ERC2: variants seen among roughly 807,000 people sequenced by gnomAD.
The protein encoded by ERC2 is ELKS/RAB6-interacting/CAST family member 2.
In ERC2, 42 loss-of-function variants were observed where a neutral mutation model predicts 114.8. The ratio of observed to expected loss-of-function variants is 0.37; its 90% CI spans 0.29 to 0.47. The LOEUF is 0.47. ERC2 is among the 20% of genes least tolerant of loss of function. The pLI, the probability that ERC2 is intolerant of heterozygous loss-of-function variation, is 0.99. For synonymous variants in ERC2, 454 were observed against 425.5 expected (o/e 1.07, Z -0.82); for missense variants, 939 against 1,150.7 (o/e 0.82, Z 2.66).
chr3:56,443,205 G>A (rs2062398986), intron 1 of ERC2, among the ~76,000 whole-genome samples: 1 of 152,228 alleles, frequency 6.6e-6, no homozygotes, highest in Non-Finnish European at 1.5e-5. Context: ...GAAACACGTT[G>A]TTGCTTACAA....
intron 15 of ERC2, among the ~76,000 whole-genome samples, chr3:55,708,311 G>A (rs1254171300): frequency 2.0e-5 from 3 of 152,170 alleles, no homozygotes; most frequent in Non-Finnish European, 4.4e-5. Flanking sequence ...GACAACCAAG[G>A]AATTTCTAAC....
At chr3:55,628,793 T>C (rs2059625356) in intron 17 of ERC2, among the ~76,000 whole-genome samples, 1 of 152,192 alleles carries the variant, frequency 6.6e-6, no homozygotes. Flanking sequence ...GCTGGTTGAA[T>C]CCAATGTGAC....
intron 1 of ERC2, among the ~76,000 whole-genome samples, chr3:56,442,880 C>G (rs184563054): frequency 2.0e-5 from 3 of 152,274 alleles, no homozygotes; most frequent in Admixed American, 2.0e-4. Context: ...CAGGTTCTGA[C>G]TATGGGAAGT....
At chr3:56,211,900 T>C (rs1301173557) in intron 3 of ERC2, among the ~76,000 whole-genome samples, 1 of 152,166 alleles carries the variant, frequency 6.6e-6, no homozygotes, top group African/African-American at 2.4e-5. Flanking sequence ...GCAAGTCACA[T>C]GTAGAAGAAT....
chr3:56,427,076 A>G (rs1576908968), intron 2 of ERC2, among the ~76,000 whole-genome samples: 1 of 150,956 alleles, frequency 6.6e-6, no homozygotes, highest in East Asian at 1.9e-4. Context: ...CAGGAGGATC[A>G]CTTAACCCCA....
chr3:56,342,866 C>T (rs2058144335), intron 2 of ERC2, among the ~76,000 whole-genome samples: 1 of 152,068 alleles, frequency 6.6e-6, no homozygotes, highest in African/African-American at 2.4e-5. Context: ...AAAATGATCC[C>T]TCCTACAAGG....
At chr3:55,665,537 A>G (rs1226539323) in intron 17 of ERC2, among the ~76,000 whole-genome samples, 3 of 152,194 alleles carry the variant, frequency 2.0e-5, no homozygotes, top group African/African-American at 7.2e-5. Flanking sequence ...GCACTCAACA[A>G]CGCCGGGAGA....
intron 17 of ERC2, among the ~76,000 whole-genome samples, chr3:55,638,855 G>C (rs1387352499): frequency 6.6e-6 from 1 of 151,850 alleles, no homozygotes; most frequent in African/African-American, 2.4e-5. Context: ...AACTACATTA[G>C]AATAGTATTA....
chr3:56,030,391 T>A (rs2074305284), intron 7 of ERC2, among the ~76,000 whole-genome samples: 1 of 152,202 alleles, frequency 6.6e-6, no homozygotes, highest in Non-Finnish European at 1.5e-5. Flanking sequence ...TTTCTTTATT[T>A]AGTTCAATTG....
chr3:56,003,640 A>G (rs2072249566), intron 10 of ERC2, among the ~76,000 whole-genome samples: 1 of 152,140 alleles, frequency 6.6e-6, no homozygotes, highest in South Asian at 2.1e-4. Context: ...ACAGCAGGTT[A>G]GCAATAGCAA....
intron 3 of ERC2, among the ~76,000 whole-genome samples, chr3:56,277,341 T>A (rs568767084): frequency 3.3e-5 from 5 of 152,196 alleles, no homozygotes; most frequent in African/African-American, 4.8e-5. Flanking sequence ...CTAAACTCCA[T>A]CTCTTATAAA....
At chr3:55,830,917 C>A (rs2060540721) in intron 14 of ERC2, among the ~76,000 whole-genome samples, 1 of 152,034 alleles carries the variant, frequency 6.6e-6, no homozygotes, top group Non-Finnish European at 1.5e-5. Context: ...GAACTCCAGT[C>A]TGAGTGGCAG....
intron 3 of ERC2, among the ~76,000 whole-genome samples, chr3:56,288,980 T>C (rs1472566474): frequency 6.6e-6 from 1 of 152,138 alleles, no homozygotes; most frequent in East Asian, 1.9e-4. Flanking sequence ...GGTTACAAAT[T>C]ATCAGATGTG....
chr3:56,312,490 A>G (rs2056638481), intron 2 of ERC2, among the ~76,000 whole-genome samples: 1 of 152,210 alleles, frequency 6.6e-6, no homozygotes. Context: ...AAATCTTCCC[A>G]ACATATAAAA....
chr3:56,136,436 C>A (rs1398735274), intron 6 of ERC2, among the ~76,000 whole-genome samples: 1 of 151,144 alleles, frequency 6.6e-6, no homozygotes. Context: ...TTTTTTTTAA[C>A]CTTTTATTTT....
chr3:56,356,280 C>T (rs1487077937), intron 2 of ERC2, among the ~76,000 whole-genome samples: 1 of 152,146 alleles, frequency 6.6e-6, no homozygotes, highest in Non-Finnish European at 1.5e-5. Context: ...CTGATTTAAA[C>T]ATTTCTCCCA....
chr3:55,635,197 T>C (rs1188297177), intron 17 of ERC2, among the ~76,000 whole-genome samples: 1 of 151,768 alleles, frequency 6.6e-6, no homozygotes, highest in Non-Finnish European at 1.5e-5. Context: ...ATTTCTTTTT[T>C]CTACAAATCC....
chr3:55,918,666 C>T (rs2065240325), intron 13 of ERC2, among the ~76,000 whole-genome samples: 1 of 151,698 alleles, frequency 6.6e-6, no homozygotes, highest in Admixed American at 6.6e-5. Context: ...CTTAAGAATG[C>T]TGTGCTGTTA....
chr3:56,302,488 T>C (rs181476481), intron 2 of ERC2, among the ~76,000 whole-genome samples: 1 of 152,222 alleles, frequency 6.6e-6, no homozygotes, highest in East Asian at 1.9e-4. Context: ...ACATATTCAA[T>C]AAAAACTAGC....
Sources: gnomAD v4.1 joint callset for allele counts (sites outside exome capture counted in the v4.1 genomes callset) on GRCh38, gnomAD v4.1.1 for gene constraint, MANE v1.5 for transcripts, NCBI Gene and HGNC (gene_info 2026-07-23, HGNC 2026-07-21) for gene names.